Variants in KLRF1 observed in about 807,000 individuals in gnomAD.
The protein encoded by KLRF1 is killer cell lectin-like receptor subfamily F member 1.
In KLRF1, 27 loss-of-function variants were observed where a neutral mutation model predicts 30.7. That is an observed-to-expected ratio of 0.88 (90% CI 0.65 to 1.21). The LOEUF (loss-of-function observed/expected upper bound fraction) is 1.21, where lower values mean the gene tolerates loss of function less well. KLRF1 is among the 50% of genes most tolerant of loss of function. The pLI is 0.00. For synonymous variants in KLRF1, 92 were observed against 89.3 expected (o/e 1.03, Z -0.17); for missense variants, 246 against 259.3 (o/e 0.95, Z 0.35).
chr12:9,822,394 A>G, the KLRF1 span, among the ~76,000 whole-genome samples: 2 of 152,250 alleles, frequency 1.3e-5, no homozygotes, highest in Non-Finnish European at 2.9e-5. Context: ...TGACAGTGGA[A>G]TTGACCAAGC....
intron 1 of KLRF1, among the ~76,000 whole-genome samples, chr12:9,829,734 G>C (rs1867368765): frequency 6.6e-6 from 1 of 152,142 alleles, no homozygotes; most frequent in African/African-American, 2.4e-5. Flanking sequence ...ACTCCAACCT[G>C]AGCAACAGAG....
chr12:9,810,270 A>G, the KLRF1 span, among the ~76,000 whole-genome samples: 17 of 152,214 alleles, frequency 1.1e-4, no homozygotes, highest in Non-Finnish European at 2.4e-4. Context: ...TGGTCCAAGT[A>G]TATTCCCAAA....
At chr12:9,814,367 G>T in the KLRF1 span, among the ~76,000 whole-genome samples, 1 of 152,188 alleles carries the variant, frequency 6.6e-6, no homozygotes, top group Non-Finnish European at 1.5e-5. Context: ...CAAGCACGCC[G>T]CTGGGAGGCG....
chr12:9,824,141 T>C (rs758743379), upstream of KLRF1, among the ~76,000 whole-genome samples: 1 of 151,922 alleles, frequency 6.6e-6, no homozygotes, highest in Non-Finnish European at 1.5e-5. Flanking sequence ...ATCATCCTGA[T>C]ACCAAAACTG....
At chr12:9,803,555 T>C in the KLRF1 span, among the ~76,000 whole-genome samples, 1 of 152,088 alleles carries the variant, frequency 6.6e-6, no homozygotes. Flanking sequence ...TATGGTTTTG[T>C]GTTTTACATT....
At chr12:9,829,733 T>TG in intron 1 of KLRF1, among the ~76,000 whole-genome samples, 1 of 152,300 alleles carries the variant, frequency 6.6e-6, no homozygotes, top group South Asian at 2.1e-4. Context: ...CACTCCAACC[T>TG]GAGCAACAGA....
chr12:9,804,780 A>T, the KLRF1 span, among the ~76,000 whole-genome samples: 1 of 152,002 alleles, frequency 6.6e-6, no homozygotes, highest in Non-Finnish European at 1.5e-5. Flanking sequence ...TTTTTTGTAG[A>T]TGTTCTGTAT....
chr12:9,824,433 A>G (rs982670552), upstream of KLRF1, among the ~76,000 whole-genome samples: 1 of 152,220 alleles, frequency 6.6e-6, no homozygotes, highest in African/African-American at 2.4e-5. Context: ...TTCATGTTAA[A>G]ATCACTCAAT....
chr12:9,805,895 T>G, the KLRF1 span, among the ~76,000 whole-genome samples: 1 of 152,034 alleles, frequency 6.6e-6, no homozygotes, highest in South Asian at 2.1e-4. Flanking sequence ...CATTCCTGAT[T>G]TTGGTGGTAT....
the KLRF1 span, among the ~76,000 whole-genome samples, chr12:9,812,952 G>C: frequency 1.3e-5 from 2 of 152,108 alleles, no homozygotes; most frequent in Non-Finnish European, 2.9e-5. Flanking sequence ...TTGTACACTT[G>C]GAGGATATGA....
chr12:9,835,763 A>T (rs766953553), intron 3 of KLRF1, among the ~76,000 whole-genome samples: 2 of 152,076 alleles, frequency 1.3e-5, no homozygotes, highest in African/African-American at 2.4e-5. Context: ...GCCGAGAGAT[A>T]CATAAAGGAG....
At chr12:9,801,569 G>A in the KLRF1 span, among the ~76,000 whole-genome samples, 2 of 151,918 alleles carry the variant, frequency 1.3e-5, no homozygotes, top group Non-Finnish European at 2.9e-5. Flanking sequence ...ATCTCATTGT[G>A]GTTTTGATTT....
the KLRF1 span, among the ~76,000 whole-genome samples, chr12:9,809,906 C>G: frequency 6.6e-6 from 1 of 151,472 alleles, no homozygotes; most frequent in Non-Finnish European, 1.5e-5. Context: ...ACAAAATCAC[C>G]CCATGAATAA....
the KLRF1 span, among the ~76,000 whole-genome samples, chr12:9,809,700 G>T: frequency 6.6e-6 from 1 of 152,048 alleles, no homozygotes; most frequent in Non-Finnish European, 1.5e-5. Flanking sequence ...AGTATTCAAA[G>T]ATAAATTGTT....
intron 1 of KLRF1, among the ~76,000 whole-genome samples, chr12:9,828,312 C>T (rs1171337265): frequency 6.6e-6 from 1 of 152,082 alleles, no homozygotes; most frequent in Admixed American, 6.6e-5. Context: ...AACTCCTGAC[C>T]TCAGGTGATC....
At position 9,844,544 on chromosome 12, in the gene KLRF1, A is replaced by G; in HGVS notation, c.*18A>G. ...AGTATTAGAGTTTGACAAAATTCAC[A>G]GTGAAATAATCAATGATCACTATTT... On this transcript the variant is annotated 3_prime_UTR_variant, in exon 6 of 6. Transcript: ENST00000617889. 7.5e-7 allele frequency: 1 copy of G among 1,326,322 alleles called. No homozygotes were observed. Among genetic ancestry groups the G allele is most frequent in the Non-Finnish European group, 1.1e-6 (1 of 924,364 alleles). The allele number at this position is 1,326,322 out of a possible 1,614,324, so 82.2% of individuals were successfully genotyped here.
the KLRF1 span, among the ~76,000 whole-genome samples, chr12:9,812,596 C>A: frequency 6.6e-6 from 1 of 152,028 alleles, no homozygotes; most frequent in Non-Finnish European, 1.5e-5. Flanking sequence ...AATTAATAAC[C>A]CTGGGATACC....
intron 4 of KLRF1, among the ~76,000 whole-genome samples, 172 bp from the exon 5 acceptor site, chr12:9,842,149 G>T (rs1478465388): frequency 2.7e-5 from 4 of 150,876 alleles, no homozygotes; most frequent in Non-Finnish European, 5.9e-5. Context: ...ACTTGCAATT[G>T]TGTGTGTGTG....
rs188694754 is a variant in KLRF1 at position 9,836,926 on chromosome 12, T to A, written c.334+3474T>A. 3.3e-5 allele frequency among the ~76,000 whole-genome samples: 5 copies of A among 152,240 alleles called. No homozygotes were observed. In the East Asian group the frequency reaches 9.7e-4, roughly 29 times the overall value. On this transcript the variant is annotated intron_variant, in intron 3 of 5. Transcript: ENST00000617889. ...TTAATTAAAGTAGGTATAAATACTG[T>A]ATATTGAGCTACAATATATTTATTT...
Sources: allele counts gnomAD v4.1 joint callset (sites outside exome capture counted in the v4.1 genomes callset), GRCh38; gene constraint gnomAD v4.1.1; transcripts MANE v1.5; gene names NCBI Gene and HGNC (gene_info 2026-07-23, HGNC 2026-07-21).